The following LUZP2 variants were observed in gnomAD, a reference collection of about 807,000 sequenced individuals.
LUZP2 encodes the protein leucine zipper protein 2.
LUZP2 carries 52 observed loss-of-function variants against 51.6 expected under a neutral mutation model. That is an observed-to-expected ratio of 1.01 (90% CI 0.81 to 1.27). The LOEUF (loss-of-function observed/expected upper bound fraction) is 1.27, where lower values mean the gene tolerates loss of function less well. Among genes scored for constraint, LUZP2 ranks in the 50% most tolerant of loss-of-function variants. The pLI is 0.00. For synonymous variants in LUZP2, 154 were observed against 137.3 expected (o/e 1.12, Z -0.85); for missense variants, 436 against 395.4 (o/e 1.10, Z -0.87).
chr11:24,859,362 C>T (rs139778685), intron 5 of LUZP2, among the ~76,000 whole-genome samples: 1 of 150,630 alleles, frequency 6.6e-6, no homozygotes, highest in Non-Finnish European at 1.5e-5. Flanking sequence ...AAAAGAACCA[C>T]CCCATTTCTC....
At chr11:24,925,613 A>G (rs1400824033) in intron 7 of LUZP2, among the ~76,000 whole-genome samples, 1 of 152,138 alleles carries the variant, frequency 6.6e-6, no homozygotes, top group Admixed American at 6.5e-5. Context: ...CACATTTCTT[A>G]TCAGAAACAA....
chr11:24,902,715 T>C (rs993061278), intron 5 of LUZP2, among the ~76,000 whole-genome samples: 1 of 152,172 alleles, frequency 6.6e-6, no homozygotes, highest in Non-Finnish European at 1.5e-5. Flanking sequence ...ATTAGTCTTT[T>C]GTTGTGTATA....
At chr11:24,800,200 T>G (rs1205128759) in intron 5 of LUZP2, among the ~76,000 whole-genome samples, 2 of 152,084 alleles carry the variant, frequency 1.3e-5, no homozygotes, top group African/African-American at 4.8e-5. Context: ...TACATGGAAG[T>G]GAATATCTGA....
chr11:24,543,345 T>G lies in LUZP2; in HGVS notation c.62+46040T>G, dbSNP rs201437688. On this transcript the variant is annotated intron_variant, in intron 1 of 11. Transcript: ENST00000336930. Reference sequence around the variant, plus strand: ...TCCCTTGAAAGAATACTGTGCCATTTTTAAAACTGAATGCAATTTTATTTT... The same window carrying G: ...TCCCTTGAAAGAATACTGTGCCATTGTTAAAACTGAATGCAATTTTATTTT... 2.1e-3 allele frequency among the ~76,000 whole-genome samples: 319 copies of G among 152,186 alleles called. 1 individual carries two copies. The highest frequency in any genetic ancestry group is 7.4e-3 in the African/African-American group (309 of 41,548).
At chr11:25,022,217 T>A (rs1408460769) in intron 9 of LUZP2, among the ~76,000 whole-genome samples, 1 of 152,056 alleles carries the variant, frequency 6.6e-6, no homozygotes, top group African/African-American at 2.4e-5. Context: ...TGTAAAATTT[T>A]CTTTCATTAT....
intron 7 of LUZP2, among the ~76,000 whole-genome samples, chr11:24,954,563 T>A (rs146744614): frequency 0.017 from 2,511 of 152,158 alleles, 38 homozygotes; most frequent in South Asian, 0.085. Context: ...TGTCCAAATA[T>A]GTTTGGACTC....
At chr11:24,602,337 CAT>C (rs1379842240) in intron 1 of LUZP2, among the ~76,000 whole-genome samples, 7 of 138,162 alleles carry the variant, frequency 5.1e-5, no homozygotes, top group African/African-American at 1.6e-4. Flanking sequence ...CATATATATA[CAT>C]ATATATGTAT....
intron 5 of LUZP2, among the ~76,000 whole-genome samples, chr11:24,800,719 C>A (rs1008689061): frequency 2.6e-5 from 4 of 152,006 alleles, no homozygotes; most frequent in African/African-American, 9.7e-5. Context: ...ATTTAAAACA[C>A]ACTAGAAAAA....
At chr11:24,777,957 G>A (rs1848985524) in intron 5 of LUZP2, among the ~76,000 whole-genome samples, 2 of 151,938 alleles carry the variant, frequency 1.3e-5, no homozygotes, top group African/African-American at 4.8e-5. Context: ...CATGTTTTCT[G>A]TAATATAGTA....
At chr11:24,821,877 A>T (rs2134159351) in intron 5 of LUZP2, among the ~76,000 whole-genome samples, 1 of 150,220 alleles carries the variant, frequency 6.7e-6, no homozygotes, top group Admixed American at 6.6e-5. Flanking sequence ...AAATATTTAT[A>T]TATATATATA....
rs1859478622 is a variant in LUZP2, at chr11:25,082,423, A to G, written c.*3765A>G. Reference sequence around the variant, plus strand: ...AGACTGAAATAATTATTGACACCGTAGAGTACCATAGAGTAGGTTGAACTG... The same window carrying G: ...AGACTGAAATAATTATTGACACCGTGGAGTACCATAGAGTAGGTTGAACTG... On this transcript the variant is annotated 3_prime_UTR_variant, in exon 12 of 12. Coordinates refer to ENST00000336930, the MANE Select transcript of LUZP2 (RefSeq NM_001009909.4). 6.6e-6 allele frequency: 1 copy of G among 152,616 alleles called. No homozygotes were observed. Among genetic ancestry groups the G allele is most frequent in the Admixed American group, 6.5e-5 (1 of 15,282 alleles). 9.5% of individuals were successfully genotyped at this position (152,616 alleles called of 1,614,324 possible). A position where few individuals can be genotyped will look rare whatever the true frequency, so the allele number is the denominator to read the frequency against.
intron 1 of LUZP2, among the ~76,000 whole-genome samples, chr11:24,691,375 A>G (rs1857059935): frequency 6.6e-6 from 1 of 152,010 alleles, no homozygotes. Flanking sequence ...ATAAAATAGT[A>G]TCTACTTCTA....
intron 7 of LUZP2, among the ~76,000 whole-genome samples, chr11:24,935,755 T>G (rs1358618978): frequency 2.0e-5 from 3 of 152,216 alleles, no homozygotes; most frequent in Admixed American, 2.0e-4. Context: ...TGTTTTGTTA[T>G]GTAACATGTC....
chr11:25,007,037 G>A (rs918195169), intron 9 of LUZP2, among the ~76,000 whole-genome samples: 1 of 152,138 alleles, frequency 6.6e-6, no homozygotes, highest in Non-Finnish European at 1.5e-5. Context: ...TTTTTACAGA[G>A]TGCTTATTTT....
chr11:25,028,911 C>G lies in LUZP2; in HGVS notation c.766-21127C>G, dbSNP rs138450084. 2.9e-3 allele frequency among the ~76,000 whole-genome samples: 441 copies of G among 152,112 alleles called. 3 individuals are homozygous for G. Among genetic ancestry groups the G allele is most frequent in the African/African-American group, 1.0e-2 (415 of 41,530 alleles). ...TGGAAACAAACTATACTATATTAGG[C>G]AAAAGGCAAAAGCTAAACAAAAGGC... On this transcript the variant is annotated intron_variant, in intron 9 of 11. Coordinates refer to ENST00000336930, the MANE Select transcript of LUZP2 (RefSeq NM_001009909.4).
intron 5 of LUZP2, among the ~76,000 whole-genome samples, chr11:24,860,698 A>G (rs1279336624): frequency 6.6e-6 from 1 of 152,124 alleles, no homozygotes; most frequent in African/African-American, 2.4e-5. Context: ...GCAGCAGCCT[A>G]TACAAAAGAA....
At chr11:25,044,004 T>A (rs1166737602) in intron 9 of LUZP2, among the ~76,000 whole-genome samples, 10 of 141,388 alleles carry the variant, frequency 7.1e-5, no homozygotes, top group Non-Finnish European at 3.0e-5. Flanking sequence ...ATATCTGATA[T>A]ATAGTCTATA....
chr11:24,937,952 T>C (rs1229671974), intron 7 of LUZP2, among the ~76,000 whole-genome samples: 2 of 151,710 alleles, frequency 1.3e-5, no homozygotes, highest in Non-Finnish European at 2.9e-5. Flanking sequence ...TGTTCTTAAC[T>C]CAGGACCTCA....
chr11:24,914,224 G>A (rs924058673), intron 6 of LUZP2, among the ~76,000 whole-genome samples: 2 of 152,118 alleles, frequency 1.3e-5, no homozygotes, highest in Non-Finnish European at 2.9e-5. Context: ...GTTGTGGATT[G>A]GAGGAAGAAC....
Sources: gnomAD v4.1 joint callset for allele counts (sites outside exome capture counted in the v4.1 genomes callset) on GRCh38, gnomAD v4.1.1 for gene constraint, MANE v1.5 for transcripts, NCBI Gene and HGNC (gene_info 2026-07-23, HGNC 2026-07-21) for gene names.